The following GBX1 variants were observed in gnomAD, a reference collection of about 807,000 sequenced individuals.
GBX1 encodes the protein gastrulation brain homeobox 1, also known as homeobox protein GBX-1.
GBX1 carries 9 observed loss-of-function variants against 22.9 expected under a neutral mutation model. The observed-to-expected ratio is 0.39, with a 90% CI of 0.24 to 0.69. GBX1 has a LOEUF of 0.69. Among genes scored for constraint, GBX1 ranks in the 30% least tolerant of loss-of-function variants. GBX1 has a pLI of 0.43. For missense variants in GBX1, 494 were observed against 509.2 expected (o/e 0.97, Z 0.29); for synonymous variants, 203 against 227.3 (o/e 0.89, Z 0.96).
In GBX1 at chr7:151,167,367, A is replaced by AGCGCCT; in HGVS notation, c.176_181dup (p.Gln59_Ala60dup). 2 of 1,510,402 alleles carry AGCGCCT rather than the reference A, an allele frequency of 1.3e-6. No homozygotes were observed. The highest frequency in any genetic ancestry group is 2.9e-5 in the African/African-American group (2 of 68,416). The allele number at this position is 1,510,402 out of a possible 1,614,324, so 93.6% of individuals were successfully genotyped here. On this transcript the variant is annotated inframe_insertion, in exon 1 of 2. Transcript: ENST00000297537. This position sits in a 1 kb window ranked among gnomAD's most constrained non-coding sequence, Gnocchi z 5.9. Reference sequence around the variant, plus strand: ...GCCAGCGGGCAGCGGCGCAGGGGCCAGCGCCTGCGGCAGCACGAGCGGCCG... The same window carrying AGCGCCT: ...GCCAGCGGGCAGCGGCGCAGGGGCCAGCGCCTGCGCCTGCGGCAGCACGAGCGGCCG...
intron 1 of GBX1, among the ~76,000 whole-genome samples, chr7:151,149,393 C>A (rs556893527): frequency 1.3e-5 from 2 of 152,188 alleles, no homozygotes; most frequent in African/African-American, 2.4e-5. Context: ...GATTTCACTA[C>A]GGAAAAGTGT....
In GBX1 at chr7:151,149,051, G is replaced by A. The variant is rs535536993; in HGVS notation, c.630C>T (p.Gly210=). The A allele has an allele frequency of 4.8e-5, 78 of 1,613,778 alleles. 2 individuals are homozygous for A. In the South Asian group the frequency reaches 5.9e-4, roughly 12 times the overall value. ...GGAAACCGTCATCCTCGCTGTCACC[G>A]CCTGAGCCCTCTTCCTCCTGTTCGC... ...AGSEQEEEGS[G]GDSEDDGFLD... The change falls in exon 2 of 2, where the codon GGC becomes GGT. Residue 210 remains glycine (G), a synonymous_variant. Coordinates refer to ENST00000297537, the MANE Select transcript of GBX1 (RefSeq NM_001098834.3).
rs1308318247 is a variant in GBX1, at chr7:151,167,230, T to C, written c.319A>G (p.Ser107Gly). 2 of 1,554,256 alleles carry C rather than the reference T, an allele frequency of 1.3e-6. No individual in the cohort carries two copies. The highest frequency in any genetic ancestry group is 2.4e-5 in the East Asian group (1 of 40,912). Residue 107 changes from serine to glycine, a missense_variant, in exon 1 of 2, where the codon AGC (serine) becomes GGC (glycine). This residue lies in a region of GBX1 where 365 missense variants were observed against 340.4 expected (regional missense o/e 1.07). Coordinates refer to ENST00000297537, the MANE Select transcript of GBX1 (RefSeq NM_001098834.3). The surrounding 1 kb of genome is among the most constrained non-coding windows in gnomAD (Gnocchi z 5.9). ...SMVALTTALP[S>G]FAEPPDAFYG... ...AAAGCGTCGGGCGGCTCCGCGAAGC[T>C]GGGCAGCGCGGTGGTCAGCGCCACC...
rs1005890992 is a variant in GBX1 at position 151,148,450 on chromosome 7, C to T, written c.*139G>A. 1.3e-6 allele frequency: 1 copy of T among 781,992 alleles called. No homozygotes were observed. Among genetic ancestry groups the T allele is most frequent in the Non-Finnish European group, 2.0e-6 (1 of 492,312 alleles). 48.4% of individuals were successfully genotyped at this position (781,992 alleles called of 1,614,324 possible). ...CTGGGAGGAGTCTGGGAAGAGCACA[C>T]CCAGGGCTAGGTTAATTGCCAACTA... is the stretch of plus-strand genomic sequence containing the variant. On this transcript the variant is annotated 3_prime_UTR_variant, in exon 2 of 2. Transcript: ENST00000297537. The surrounding 1 kb of genome is among the most constrained non-coding windows in gnomAD (Gnocchi z 5.1).
chr7:151,166,937 T>A, intron 1 of GBX1, 74 bp downstream of exon 1: 7 of 1,490,622 alleles, frequency 4.7e-6, no homozygotes, highest in Non-Finnish European at 6.5e-6. Context: ...GGTGCCGAGG[T>A]TCCGAGCAGG....
At position 151,167,355 on chromosome 7, in the gene GBX1, G is replaced by A. The variant is rs1191594568; in HGVS notation, c.194C>T (p.Pro65Leu). 19 of 1,505,900 alleles carry A rather than the reference G, an allele frequency of 1.3e-5. No homozygotes were observed. The highest frequency in any genetic ancestry group is 1.7e-5 in the Non-Finnish European group (19 of 1,130,490). The allele number at this position is 1,505,900 out of a possible 1,614,324, so 93.3% of individuals were successfully genotyped here. Residue 65 changes from proline (P) to leucine (L), a missense_variant, in exon 1 of 2, where the codon CCG becomes CTG. Physicochemically the swap from Pro to Leu is moderately conservative, Grantham distance 98. Coordinates refer to ENST00000297537, the MANE Select transcript of GBX1 (RefSeq NM_001098834.3). This position sits in a 1 kb window ranked among gnomAD's most constrained non-coding sequence, Gnocchi z 5.9. ...LVLPQALAPA[P>L]LPAGLPPLAP... ...GAGGGGCGGGAGGCCAGCGGGCAGC[G>A]GCGCAGGGGCCAGCGCCTGCGGCAG...
At chr7:151,165,866 A>G (rs959107283) in intron 1 of GBX1, among the ~76,000 whole-genome samples, 1 of 152,202 alleles carries the variant, frequency 6.6e-6, no homozygotes, top group Admixed American at 6.5e-5. Flanking sequence ...CTCTGCTGGC[A>G]AAGGACAAAA....
At position 151,148,514 on chromosome 7, in the gene GBX1, G is replaced by T; in HGVS notation, c.*75C>A. 1 of 1,400,124 alleles carries T rather than the reference G, an allele frequency of 7.1e-7. No homozygotes were observed. The highest frequency in any genetic ancestry group is 9.8e-7 in the Non-Finnish European group (1 of 1,025,018). 86.7% of individuals were successfully genotyped at this position (1,400,124 alleles called of 1,614,324 possible). ...CAGAATCACAGTTGCAGCCCCTCTG[G>T]TCCACAGAACCCTGACAGTCTCAGA... On this transcript the variant is annotated 3_prime_UTR_variant, in exon 2 of 2. Coordinates refer to ENST00000297537, the MANE Select transcript of GBX1 (RefSeq NM_001098834.3). The surrounding 1 kb of genome is among the most constrained non-coding windows in gnomAD (Gnocchi z 5.1).
intron 1 of GBX1, among the ~76,000 whole-genome samples, chr7:151,153,549 CTTTTTTTT>C: frequency 6.8e-6 from 1 of 146,306 alleles, no homozygotes; most frequent in Non-Finnish European, 1.5e-5. Flanking sequence ...AGAAGCAAAT[CTTTTTTTT>C]TTTTTCCTGA....
chr7:151,160,226 C>CA (rs1801175890), intron 1 of GBX1, among the ~76,000 whole-genome samples: 1 of 152,170 alleles, frequency 6.6e-6, no homozygotes, highest in Non-Finnish European at 1.5e-5. Context: ...TTAGGCTAAT[C>CA]AGTTTATGTA....
Position 151,156,688 on chromosome 7 carries a change from T to TA in GBX1, c.539-7547dup, listed in dbSNP as rs1801139190. Among the ~76,000 whole-genome samples the TA allele has an allele frequency of 2.0e-5, 3 of 152,164 alleles. No homozygotes were observed. The South Asian group carries it at 6.2e-4, about 32-fold the overall frequency. On this transcript the variant is annotated intron_variant, in intron 1 of 1. Transcript: ENST00000297537. The stretch of plus-strand genomic sequence containing the variant: ...CTTACCAGTCAGTGCTTCTTTTATT[T>TA]AAAAATGCATTTTTGGCTGGGCACG...
rs558142901 is a variant in GBX1, at chr7:151,158,445, TTTTTTG to T, written c.538+8560_538+8565del. Among the ~76,000 whole-genome samples the T allele has an allele frequency of 6.1e-3, 927 of 151,872 alleles. 11 individuals are homozygous for T. Among genetic ancestry groups the T allele is most frequent in the African/African-American group, 0.021 (866 of 41,342 alleles). ...TTTTTGATAAAGAAACAAGAAGAGTTTTTTTGTTTTTGTTTTTGTTTTTTTTTTAAT... is the reference window on the plus strand; with the variant it reads ...TTTTTGATAAAGAAACAAGAAGAGTTTTTTTGTTTTTGTTTTTTTTTTAAT... On this transcript the variant is annotated intron_variant, in intron 1 of 1. Coordinates refer to ENST00000297537, the MANE Select transcript of GBX1 (RefSeq NM_001098834.3).
chr7:151,149,288 G>A, intron 1 of GBX1, 146 bp from the exon 2 acceptor site: 1 of 733,728 alleles, frequency 1.4e-6, no homozygotes, highest in Non-Finnish European at 2.3e-6. Flanking sequence ...AAGATGGGGA[G>A]GGACAGGAGG....
At chr7:151,153,415 GCTAA>G (rs1306287564) in intron 1 of GBX1, among the ~76,000 whole-genome samples, 6 of 151,958 alleles carry the variant, frequency 3.9e-5, no homozygotes, top group East Asian at 3.9e-4. Context: ...TTTCAAAACA[GCTAA>G]CTATTTTCTC....
At chr7:151,165,965 G>A (rs940280378) in intron 1 of GBX1, among the ~76,000 whole-genome samples, 1 of 152,200 alleles carries the variant, frequency 6.6e-6, no homozygotes, top group African/African-American at 2.4e-5. Flanking sequence ...TGCAATGAAT[G>A]GTTGAGCAGA....
At chr7:151,156,976 C>G (rs1335211899) in intron 1 of GBX1, among the ~76,000 whole-genome samples, 1 of 119,778 alleles carries the variant, frequency 8.3e-6, no homozygotes, top group Non-Finnish European at 1.6e-5. Context: ...CAGAGTGAGA[C>G]TCTGTCTCAA....
Position 151,162,300 on chromosome 7 carries a change from CTCA to C in GBX1, c.538+4708_538+4710del, listed in dbSNP as rs1368660270. On this transcript the variant is annotated intron_variant, in intron 1 of 1. Transcript: ENST00000297537. Reference sequence around the variant, plus strand: ...TCATATTATCATTTTCTGTTTTCCTCTCATAAGTAAATATCATATCTTGACAAT... The same window carrying C: ...TCATATTATCATTTTCTGTTTTCCTCTAAGTAAATATCATATCTTGACAAT... 7.9e-5 allele frequency among the ~76,000 whole-genome samples: 12 copies of C among 152,288 alleles called. No individual in the cohort carries two copies. In the East Asian group the frequency reaches 2.1e-3, roughly 27 times the overall value.
intron 1 of GBX1, among the ~76,000 whole-genome samples, chr7:151,160,034 C>T (rs1801174140): frequency 6.6e-6 from 1 of 152,188 alleles, no homozygotes; most frequent in Non-Finnish European, 1.5e-5. Context: ...TACAACACCA[C>T]TGAAAAGTAT....
intron 1 of GBX1, among the ~76,000 whole-genome samples, chr7:151,154,832 G>A (rs534246278): frequency 9.2e-5 from 14 of 152,272 alleles, no homozygotes; most frequent in African/African-American, 3.4e-4. Context: ...TTCGGGCTAG[G>A]GAAGAAATCA....
Sources: allele counts gnomAD v4.1 joint callset (sites outside exome capture counted in the v4.1 genomes callset), GRCh38; gene constraint gnomAD v4.1.1; regional missense constraint gnomAD v4.1.1; non-coding constraint Gnocchi (gnomAD v3.1); transcripts MANE v1.5; gene names NCBI Gene and HGNC (gene_info 2026-07-23, HGNC 2026-07-21).